EYS: variants seen among roughly 807,000 people sequenced by gnomAD.
EYS encodes EGF-like photoreceptor maintenance factor.
A neutral mutation model predicts 282.1 loss-of-function variants in EYS; 250 were observed. That is an observed-to-expected ratio of 0.89 (90% CI 0.80 to 0.98). The LOEUF is 0.98. Among genes scored for constraint, EYS ranks in the 50% least tolerant of loss-of-function variants. The probability of loss-of-function intolerance (pLI) is 0.00; values close to 1 mark genes in which losing one functional copy is unlikely to be tolerated. For missense variants in EYS, 4,016 were observed against 3,709.0 expected (o/e 1.08, Z -2.15); for synonymous variants, 1,355 against 1,282.9 (o/e 1.06, Z -1.20).
intron 2 of EYS, among the ~76,000 whole-genome samples, chr6:65,531,923 T>C (rs1025547200): frequency 6.6e-6 from 1 of 152,180 alleles, no homozygotes; most frequent in Non-Finnish European, 1.5e-5. Context: ...TGGTTGGTGA[T>C]GTAAATTCTT....
At chr6:64,480,948 A>G (rs904155838) in intron 26 of EYS, among the ~76,000 whole-genome samples, 1 of 151,652 alleles carries the variant, frequency 6.6e-6, no homozygotes, top group Non-Finnish European at 1.5e-5. Flanking sequence ...TTTTTCAGGT[A>G]TTGATTCAAA....
In EYS at chr6:64,540,842, G is replaced by A. The variant is rs148274575; in HGVS notation, c.5644+49381C>T. 2.5e-4 allele frequency among the ~76,000 whole-genome samples: 38 copies of A among 152,186 alleles called. No individual in the cohort carries two copies. The East Asian group carries it at 7.3e-3, about 29-fold the overall frequency. ...TGACATGACAATTTTATATTACATG[G>A]CAATGTGCTATGGCAATAATATCTT... is the stretch of plus-strand genomic sequence containing the variant. On this transcript the variant is annotated intron_variant, in intron 26 of 42. Coordinates refer to ENST00000503581, the MANE Select transcript of EYS (RefSeq NM_001142800.2).
chr6:65,115,962 A>AT lies in EYS; in HGVS notation c.2024-58236dup, dbSNP rs1334180840. On this transcript the variant is annotated intron_variant, in intron 12 of 42. Transcript: ENST00000503581. ...ACTATGTCTGTCTGTCTGTCTGTCT[A>AT]TCTAATCTATCTATCTATCTATCTA... Among the ~76,000 whole-genome samples, 751 of 92,872 alleles carry AT rather than the reference A, an allele frequency of 8.1e-3. 4 individuals are homozygous for AT. The highest frequency in any genetic ancestry group is 0.017 in the Middle Eastern group (3 of 174). The allele number at this position is 92,872 out of a possible 152,430, so 60.9% of individuals were successfully genotyped here.
intron 22 of EYS, among the ~76,000 whole-genome samples, chr6:64,811,505 G>C (rs11753113): frequency 0.069 from 10,498 of 152,008 alleles, 381 homozygotes; most frequent in African/African-American, 0.096. Flanking sequence ...CTATGGTTTA[G>C]GTGTCCATAC....
At position 64,419,256 on chromosome 6, in the gene EYS, T is replaced by C. The variant is rs187247677; in HGVS notation, c.5927+16918A>G. 2.1e-3 allele frequency among the ~76,000 whole-genome samples: 325 copies of C among 152,312 alleles called. 1 individual carries two copies. Among genetic ancestry groups the C allele is most frequent in the Non-Finnish European group, 3.5e-3 (240 of 68,032 alleles). ...TAGCATGGCTATCATGAGAATAGCATGAGGGAAACCACCTCCATGATTCAA... is the reference window on the plus strand; with the variant it reads ...TAGCATGGCTATCATGAGAATAGCACGAGGGAAACCACCTCCATGATTCAA... On this transcript the variant is annotated intron_variant, in intron 28 of 42. Transcript: ENST00000503581.
chr6:63,950,895 C>T (rs1042841462), intron 35 of EYS, among the ~76,000 whole-genome samples: 1 of 152,076 alleles, frequency 6.6e-6, no homozygotes, highest in Non-Finnish European at 1.5e-5. Context: ...TATCCGTGAA[C>T]CCAAAACTCC....
intron 1 of EYS, among the ~76,000 whole-genome samples, chr6:65,640,348 T>C (rs1474576530): frequency 1.3e-5 from 2 of 152,164 alleles, no homozygotes; most frequent in Non-Finnish European, 2.9e-5. Flanking sequence ...ATCATATTTG[T>C]ATTTTCATAG....
intron 22 of EYS, among the ~76,000 whole-genome samples, chr6:64,645,204 T>C (rs891883557): frequency 1.3e-5 from 2 of 152,212 alleles, no homozygotes; most frequent in Non-Finnish European, 2.9e-5. Context: ...AATTGGGAGA[T>C]TGAAATGAAC....
intron 30 of EYS, among the ~76,000 whole-genome samples, chr6:64,268,928 AACACTTTGC>A (rs1767852576): frequency 6.6e-6 from 1 of 152,156 alleles, no homozygotes. Context: ...AGGCATTGAC[AACACTTTGC>A]AAAAGATAAT....
chr6:64,085,340 G>GCACACA (rs71551560), intron 31 of EYS, among the ~76,000 whole-genome samples: 115 of 139,876 alleles, frequency 8.2e-4, no homozygotes, highest in African/African-American at 2.1e-3. Flanking sequence ...ACGTGCGCGC[G>GCACACA]CACACACACA....
At chr6:65,265,778 C>A (rs1163124750) in intron 12 of EYS, among the ~76,000 whole-genome samples, 10 of 151,848 alleles carry the variant, frequency 6.6e-5, no homozygotes, top group African/African-American at 2.2e-4. Context: ...AGAACATAGG[C>A]TGTGGATTTC....
chr6:64,662,822 G>A (rs531778393), intron 22 of EYS, among the ~76,000 whole-genome samples: 7 of 152,142 alleles, frequency 4.6e-5, no homozygotes, highest in South Asian at 4.2e-4. Flanking sequence ...CCAAGATCAC[G>A]CAGTTAGCAA....
chr6:64,322,685 T>C (rs568015763), intron 29 of EYS, among the ~76,000 whole-genome samples: 15 of 152,220 alleles, frequency 9.9e-5, no homozygotes, highest in African/African-American at 2.6e-4. Context: ...CTCTGGAGGA[T>C]TGGAATGACA....
At chr6:65,037,976 CAACAG>C (rs1772820840) in intron 13 of EYS, among the ~76,000 whole-genome samples, 1 of 151,568 alleles carries the variant, frequency 6.6e-6, no homozygotes, top group African/African-American at 2.4e-5. Flanking sequence ...GTTCCTCCTC[CAACAG>C]TGAGAAACCT....
At chr6:64,733,392 A>C (rs1393813484) in intron 22 of EYS, 2 of 174,650 alleles carry the variant, frequency 1.1e-5, no homozygotes, top group Non-Finnish European at 2.5e-5. Flanking sequence ...CTTGGTGCTT[A>C]ACAGATGGTA....
At chr6:65,631,711 T>C (rs901720521) in intron 2 of EYS, among the ~76,000 whole-genome samples, 1 of 152,180 alleles carries the variant, frequency 6.6e-6, no homozygotes, top group African/African-American at 2.4e-5. Context: ...TTTTTTAACA[T>C]GCAAATAAGA....
rs188284795 is a variant in EYS at position 64,853,641 on chromosome 6, G to A, written c.2993-30819C>T. Among the ~76,000 whole-genome samples, 39 of 152,174 alleles carry A rather than the reference G, an allele frequency of 2.6e-4. 1 individual carries two copies. Among genetic ancestry groups the A allele is most frequent in the South Asian group, 4.2e-4 (2 of 4,818 alleles). ...AAAGCAGCTTGGTATTGGTAACGCC[G>A]TTGTTAATATAAAGTAGAAACCTAG... On this transcript the variant is annotated intron_variant, in intron 19 of 42. Coordinates refer to ENST00000503581, the MANE Select transcript of EYS (RefSeq NM_001142800.2).
intron 1 of EYS, among the ~76,000 whole-genome samples, chr6:65,699,075 A>G (rs756521480): frequency 6.6e-6 from 1 of 152,114 alleles, no homozygotes; most frequent in Non-Finnish European, 1.5e-5. Flanking sequence ...ATTTCTCCCA[A>G]TCTTTCTTAC....
chr6:63,860,221 T>C (rs984077061), intron 36 of EYS, among the ~76,000 whole-genome samples: 14 of 152,222 alleles, frequency 9.2e-5, no homozygotes, highest in African/African-American at 3.4e-4. Context: ...AAAGTATTGA[T>C]GCCTGTTGAT....
Sources: allele counts gnomAD v4.1 joint callset (sites outside exome capture counted in the v4.1 genomes callset), GRCh38; gene constraint gnomAD v4.1.1; transcripts MANE v1.5; gene names NCBI Gene and HGNC (gene_info 2026-07-23, HGNC 2026-07-21).